The following TNRC18 variants were observed in gnomAD, a reference collection of about 807,000 sequenced individuals.
TNRC18 encodes the protein trinucleotide repeat-containing gene 18 protein.
TNRC18 carries 69 observed loss-of-function variants against 226.7 expected under a neutral mutation model. That is an observed-to-expected ratio of 0.30 (90% CI 0.25 to 0.37). TNRC18 has a LOEUF of 0.37. Among genes scored for constraint, TNRC18 ranks in the 10% least tolerant of loss-of-function variants. The probability of loss-of-function intolerance (pLI) is 1.00; values close to 1 mark genes in which losing one functional copy is unlikely to be tolerated. For missense variants in TNRC18, 4,754 were observed against 4,256.6 expected (o/e 1.12, Z -3.25); for synonymous variants, 2,449 against 1,927.6 (o/e 1.27, Z -7.09).
chr7:5,346,422 G>A (rs758420478), intron 17 of TNRC18, among the ~76,000 whole-genome samples: 29 of 152,168 alleles, frequency 1.9e-4, no homozygotes, highest in Non-Finnish European at 3.7e-4. Flanking sequence ...CTTGAACCCG[G>A]GAGGCGGAGG....
chr7:5,390,174 G>C, intron 4 of TNRC18: 1 of 476,428 alleles, frequency 2.1e-6, no homozygotes. Context: ...AACCATCCTG[G>C]GCAACACAGC....
chr7:5,375,223 C>G (rs570124925), intron 9 of TNRC18, among the ~76,000 whole-genome samples: 2 of 152,142 alleles, frequency 1.3e-5, no homozygotes, highest in Non-Finnish European at 2.9e-5. Context: ...GCAGGAGAAT[C>G]GTTTGAACCC....
intron 2 of TNRC18, chr7:5,420,534 G>A (rs561660031): frequency 2.3e-4 from 102 of 444,998 alleles, no homozygotes; most frequent in South Asian, 1.5e-3. Context: ...TGGGGTCACC[G>A]TACTCCCGCA....
chr7:5,359,110 C>T (rs955192087), intron 15 of TNRC18, among the ~76,000 whole-genome samples: 24 of 152,350 alleles, frequency 1.6e-4, no homozygotes, highest in African/African-American at 5.3e-4. Flanking sequence ...ACTTGTGTCT[C>T]TCCTTGGCTT....
intron 17 of TNRC18, among the ~76,000 whole-genome samples, chr7:5,351,384 T>C (rs1191959048): frequency 6.6e-6 from 1 of 151,924 alleles, no homozygotes; most frequent in African/African-American, 2.4e-5. Flanking sequence ...CAGAATTCCA[T>C]TTACAAAATG....
At chr7:5,389,744 A>T (rs1300574342) in intron 4 of TNRC18, 1 of 155,370 alleles carries the variant, frequency 6.4e-6, no homozygotes, top group African/African-American at 2.4e-5. Context: ...CTTGAGCCGC[A>T]CTCGACCCAG....
chr7:5,421,141 C>T lies in TNRC18; in HGVS notation c.106G>A (p.Gly36Arg), dbSNP rs866527291. Residue 36 changes from glycine (G) to arginine (R), a missense_variant, in exon 2 of 30, where the codon GGA becomes AGA. Physicochemically the swap from Gly to Arg is moderately radical, Grantham distance 125 (BLOSUM62 -2). Coordinates refer to ENST00000430969, the MANE Select transcript of TNRC18 (RefSeq NM_001080495.3). ...GGCAAGCCCGAGGCGGGCAAGCGTC[C>T]GGCAGTGGCCGCGCCCACGCGGTGG... Reference protein sequence around the residue: ...DSHRVGAATAGRLPASGLPGP... With the variant: ...DSHRVGAATARRLPASGLPGP... 6.3e-5 allele frequency: 91 copies of T among 1,435,124 alleles called. No individual in the cohort carries two copies. In the Middle Eastern group the frequency reaches 1.5e-3, roughly 24 times the overall value. 88.9% of individuals were successfully genotyped at this position (1,435,124 alleles called of 1,614,324 possible). A position where few individuals can be genotyped will look rare whatever the true frequency, so the allele number is the denominator to read the frequency against.
chr7:5,387,847 C>T lies in TNRC18; in HGVS notation c.1977G>A (p.Glu659=). 2 of 1,601,372 alleles carry T rather than the reference C, an allele frequency of 1.2e-6. No individual in the cohort carries two copies. ...CCTCGCGCCCGAAAGCTTTGGCGCTCTCGGGCCTCTCGGGGTCCCGCTTCA... is the reference window on the plus strand; with the variant it reads ...CCTCGCGCCCGAAAGCTTTGGCGCTTTCGGGCCTCTCGGGGTCCCGCTTCA... ...RQLKRDPERP[E]SAKAFGREGS... is the part of the protein sequence containing the mutation. The change falls in exon 5 of 30, where the codon GAG becomes GAA. Residue 659 remains glutamate, a synonymous_variant. Coordinates refer to ENST00000430969, the MANE Select transcript of TNRC18 (RefSeq NM_001080495.3).
chr7:5,308,568 A>G (rs1163101077), intron 29 of TNRC18, among the ~76,000 whole-genome samples: 1 of 152,182 alleles, frequency 6.6e-6, no homozygotes, highest in Admixed American at 6.5e-5. Context: ...CGAGATCGAG[A>G]GAGACCCAGA....
intron 24 of TNRC18, among the ~76,000 whole-genome samples, chr7:5,317,439 A>G (rs1787961204): frequency 6.6e-6 from 1 of 152,070 alleles, no homozygotes; most frequent in African/African-American, 2.4e-5. Flanking sequence ...AAAATACAAA[A>G]AATTAGCCGG....
chr7:5,377,447 G>A lies in TNRC18; in HGVS notation c.2385C>T (p.Pro795=), dbSNP rs375778830. The A allele has an allele frequency of 1.2e-4, 183 of 1,587,396 alleles. No individual in the cohort carries two copies. Among genetic ancestry groups the A allele is most frequent in the Middle Eastern group, 1.7e-4 (1 of 5,722 alleles). ...AGGGGTGCGTGGCCAGATGGGCTGC[G>A]GGGTCGGCAGACCAGCGACCTGAGC... is the stretch of plus-strand genomic sequence containing the variant. ...LAGSGRWSAD[P]AAHLATHPWL... The change falls in exon 7 of 30, where the codon CCC becomes CCT. Residue 795 remains proline, a synonymous_variant. Transcript: ENST00000430969. This position sits in a 1 kb window ranked among gnomAD's most constrained non-coding sequence, Gnocchi z 5.8.
intron 2 of TNRC18, among the ~76,000 whole-genome samples, chr7:5,407,893 A>T (rs752861772): frequency 7.9e-5 from 12 of 152,222 alleles, no homozygotes; most frequent in Admixed American, 2.0e-4. Context: ...GCTAGAAGAC[A>T]TCAGATGCCT....
chr7:5,325,429 T>C (rs1179278717), intron 19 of TNRC18, 181 bp from the exon 20 acceptor site: 2 of 343,768 alleles, frequency 5.8e-6, no homozygotes, highest in Non-Finnish European at 9.6e-6. Flanking sequence ...TTTTTTTTTG[T>C]TTTTTTTTTT....
At chr7:5,375,557 A>G (rs533387691) in intron 9 of TNRC18, among the ~76,000 whole-genome samples, 3 of 152,188 alleles carry the variant, frequency 2.0e-5, no homozygotes, top group South Asian at 4.1e-4. Context: ...TGCTGTATGC[A>G]CTACCTGGGC....
intron 3 of TNRC18, among the ~76,000 whole-genome samples, chr7:5,392,823 C>T (rs1323333993): frequency 6.6e-6 from 1 of 152,070 alleles, no homozygotes; most frequent in African/African-American, 2.4e-5. Context: ...GCCTGGGACA[C>T]ATGGTGAAAC....
chr7:5,420,990 A>T lies in TNRC18; in HGVS notation c.187+70T>A, dbSNP rs764471811. On this transcript the variant is annotated intron_variant, in intron 2 of 29. Coordinates refer to ENST00000430969, the MANE Select transcript of TNRC18 (RefSeq NM_001080495.3). ...GTCGCCGAGCCCCGGCCGCGAGTGCACAGGAGGACCCGGCCGAGTGGATCT... is the reference window on the plus strand; with the variant it reads ...GTCGCCGAGCCCCGGCCGCGAGTGCTCAGGAGGACCCGGCCGAGTGGATCT... 11 of 1,535,560 alleles carry T rather than the reference A, an allele frequency of 7.2e-6. No homozygotes were observed. In the South Asian group the frequency reaches 1.2e-4, roughly 17 times the overall value.
At position 5,367,721 on chromosome 7, in the gene TNRC18, C is replaced by T. The variant is rs538622057; in HGVS notation, c.4219+2654G>A. On this transcript the variant is annotated intron_variant, in intron 11 of 29. Coordinates refer to ENST00000430969, the MANE Select transcript of TNRC18 (RefSeq NM_001080495.3). ...GGGATTACAGGCGTGTGCCACCGTG[C>T]CTGGCCAACCAAGGGAATTTTGATT... 1.7e-4 allele frequency among the ~76,000 whole-genome samples: 26 copies of T among 151,822 alleles called. No individual in the cohort carries two copies. In the South Asian group the frequency reaches 5.0e-3, roughly 29 times the overall value.
chr7:5,420,380 C>T (rs1205581763), intron 2 of TNRC18: 1 of 456,114 alleles, frequency 2.2e-6, no homozygotes, highest in African/African-American at 2.0e-5. Flanking sequence ...TGCCGCACCT[C>T]CGCACCCTCT....
At chr7:5,401,396 C>T (rs1781081870) in intron 2 of TNRC18, among the ~76,000 whole-genome samples, 1 of 152,166 alleles carries the variant, frequency 6.6e-6, no homozygotes, top group Admixed American at 6.5e-5. Flanking sequence ...AGGGAAGACC[C>T]TGCACACTCC....
Sources: allele counts gnomAD v4.1 joint callset (sites outside exome capture counted in the v4.1 genomes callset), GRCh38; gene constraint gnomAD v4.1.1; non-coding constraint Gnocchi (gnomAD v3.1); transcripts MANE v1.5; gene names NCBI Gene and HGNC (gene_info 2026-07-23, HGNC 2026-07-21).